CTNNA3: variants seen among roughly 807,000 people sequenced by gnomAD.
The protein encoded by CTNNA3 is catenin alpha-3.
Under a neutral mutation model 95.7 loss-of-function variants are expected in CTNNA3, and 76 were observed. That is an observed-to-expected ratio of 0.79 (90% CI 0.66 to 0.96). The LOEUF is 0.96. Among genes scored for constraint, CTNNA3 ranks in the 40% least tolerant of loss-of-function variants. The probability of loss-of-function intolerance (pLI) is 0.00; values close to 1 mark genes in which losing one functional copy is unlikely to be tolerated. For missense variants in CTNNA3, 1,191 were observed against 1,089.8 expected (o/e 1.09, Z -1.31); for synonymous variants, 431 against 374.4 (o/e 1.15, Z -1.74).
intron 7 of CTNNA3, among the ~76,000 whole-genome samples, chr10:67,073,300 C>T (rs572656958): frequency 3.9e-4 from 59 of 152,306 alleles, no homozygotes; most frequent in African/African-American, 1.4e-3. Flanking sequence ...AAAATTGACT[C>T]TCCCATATTT....
At chr10:66,775,113 C>T (rs994447928) in intron 8 of CTNNA3, among the ~76,000 whole-genome samples, 6 of 152,162 alleles carry the variant, frequency 3.9e-5, no homozygotes, top group Admixed American at 6.5e-5. Flanking sequence ...TGATTCCTCA[C>T]AGCCCTATTG....
upstream of CTNNA3, among the ~76,000 whole-genome samples, chr10:67,700,346 C>T (rs181307887): frequency 2.0e-5 from 3 of 152,274 alleles, no homozygotes; most frequent in East Asian, 5.8e-4. Context: ...GACCCCTTGA[C>T]CCCCGAGCAG....
At chr10:66,429,721 C>A (rs533158122) in intron 11 of CTNNA3, among the ~76,000 whole-genome samples, 3 of 152,154 alleles carry the variant, frequency 2.0e-5, no homozygotes, top group Non-Finnish European at 4.4e-5. Context: ...GCTAAAAACT[C>A]TCAATAAATT....
At position 66,102,624 on chromosome 10, in the gene CTNNA3, A is replaced by C. The variant is rs1271495287; in HGVS notation, c.1977+533T>G. Among the ~76,000 whole-genome samples, 6 of 152,104 alleles carry C rather than the reference A, an allele frequency of 3.9e-5. No individual in the cohort carries two copies. The South Asian group carries it at 6.2e-4, about 16-fold the overall frequency. On this transcript the variant is annotated intron_variant, in intron 14 of 17. Coordinates refer to ENST00000433211, the MANE Select transcript of CTNNA3 (RefSeq NM_013266.4). ...CACAGATACCCAGGCACTGGGTGGGAGTAAAGTGAAGTACAATATCTCAGA... is the reference window on the plus strand; with the variant it reads ...CACAGATACCCAGGCACTGGGTGGGCGTAAAGTGAAGTACAATATCTCAGA...
chr10:67,520,458 T>A (rs928411487), intron 5 of CTNNA3, among the ~76,000 whole-genome samples: 1 of 152,148 alleles, frequency 6.6e-6, no homozygotes. Context: ...TGGTAAAATA[T>A]GGTTTTGGAA....
chr10:67,753,450 CAAAAATTGACA>C (rs1431740773), intron 1 of CTNNA3, among the ~76,000 whole-genome samples: 1 of 151,966 alleles, frequency 6.6e-6, no homozygotes, highest in African/African-American at 2.4e-5. Flanking sequence ...GCAACAAAAG[CAAAAATTGACA>C]AATAGGACCT....
Position 67,385,036 on chromosome 10 carries a change from A to G in CTNNA3, c.579+136806T>C, listed in dbSNP as rs1844097270. Among the ~76,000 whole-genome samples, 3 of 152,210 alleles carry G rather than the reference A, an allele frequency of 2.0e-5. No individual in the cohort carries two copies. The South Asian group carries it at 6.2e-4, about 31-fold the overall frequency. On this transcript the variant is annotated intron_variant, in intron 5 of 17. Coordinates refer to ENST00000433211, the MANE Select transcript of CTNNA3 (RefSeq NM_013266.4). Reference sequence around the variant, plus strand: ...TTGAATTTCTTTTCGGTTATTTTACATGCTACTTTGTTGCTTCTTTCAATG... The same window carrying G: ...TTGAATTTCTTTTCGGTTATTTTACGTGCTACTTTGTTGCTTCTTTCAATG...
chr10:66,726,481 G>C (rs963248239), intron 9 of CTNNA3, among the ~76,000 whole-genome samples: 2 of 152,064 alleles, frequency 1.3e-5, no homozygotes, highest in African/African-American at 4.8e-5. Flanking sequence ...TCATGTTACA[G>C]TTGGCTAGTC....
In CTNNA3 at chr10:67,133,366, C is replaced by CATAT. The variant is rs1554928733; in HGVS notation, c.1047+46947_1047+46950dup. On this transcript the variant is annotated intron_variant, in intron 7 of 17. Coordinates refer to ENST00000433211, the MANE Select transcript of CTNNA3 (RefSeq NM_013266.4). Reference sequence around the variant, plus strand: ...ACAATGGTAGATACATACATACATACATATATATATATACACACACACACA... The same window carrying CATAT: ...ACAATGGTAGATACATACATACATACATATATATATATATATACACACACACACA... Among the ~76,000 whole-genome samples, 144 of 124,568 alleles carry CATAT rather than the reference C, an allele frequency of 1.2e-3. 3 individuals carry two copies. Among genetic ancestry groups the CATAT allele is most frequent in the African/African-American group, 3.7e-3 (121 of 32,348 alleles). 81.7% of individuals were successfully genotyped at this position (124,568 alleles called of 152,430 possible). A position where few individuals can be genotyped will look rare whatever the true frequency, so the allele number is the denominator to read the frequency against.
intron 7 of CTNNA3, among the ~76,000 whole-genome samples, chr10:67,035,587 A>G (rs1216495067): frequency 6.6e-6 from 1 of 152,140 alleles, no homozygotes; most frequent in Non-Finnish European, 1.5e-5. Context: ...CAAAAACCCT[A>G]TCAGAAGCTT....
intron 11 of CTNNA3, among the ~76,000 whole-genome samples, chr10:66,484,992 G>A (rs1320988070): frequency 6.6e-6 from 1 of 151,924 alleles, no homozygotes; most frequent in Non-Finnish European, 1.5e-5. Context: ...AAACTATATG[G>A]TTATATCAAT....
intron 5 of CTNNA3, among the ~76,000 whole-genome samples, chr10:67,364,103 A>G (rs997802813): frequency 1.5e-4 from 23 of 152,204 alleles, no homozygotes; most frequent in Admixed American, 3.3e-4. Context: ...CCAATCCAGC[A>G]GCACATCAAA....
intron 15 of CTNNA3, among the ~76,000 whole-genome samples, chr10:66,062,335 T>C (rs923543652): frequency 6.6e-6 from 1 of 152,112 alleles, no homozygotes; most frequent in Admixed American, 6.6e-5. Flanking sequence ...ATTTAAAATC[T>C]ATATGGAGGA....
At chr10:66,551,288 T>C (rs1459819927) in intron 10 of CTNNA3, among the ~76,000 whole-genome samples, 1 of 152,180 alleles carries the variant, frequency 6.6e-6, no homozygotes, top group African/African-American at 2.4e-5. Context: ...CCCTGTCTTC[T>C]GACCTTCATT....
At chr10:66,485,962 G>A (rs1839712051) in intron 11 of CTNNA3, among the ~76,000 whole-genome samples, 1 of 152,096 alleles carries the variant, frequency 6.6e-6, no homozygotes, top group Non-Finnish European at 1.5e-5. Flanking sequence ...AAGGTGTCAA[G>A]AACACACAAT....
At chr10:66,323,604 A>G (rs1564867150) in intron 12 of CTNNA3, among the ~76,000 whole-genome samples, 2 of 151,022 alleles carry the variant, frequency 1.3e-5, no homozygotes, top group Non-Finnish European at 3.0e-5. Flanking sequence ...GTGAGCCAAG[A>G]TCGTGCCACT....
chr10:67,391,383 C>G (rs1234358170), intron 5 of CTNNA3, among the ~76,000 whole-genome samples: 1 of 151,606 alleles, frequency 6.6e-6, no homozygotes, highest in Non-Finnish European at 1.5e-5. Flanking sequence ...GAACTACAAA[C>G]CACTGCTCAA....
chr10:67,084,097 T>C (rs920748164), intron 7 of CTNNA3, among the ~76,000 whole-genome samples: 2 of 152,026 alleles, frequency 1.3e-5, no homozygotes, highest in Non-Finnish European at 2.9e-5. Context: ...GCACAAAATA[T>C]GATATATTAA....
intron 13 of CTNNA3, among the ~76,000 whole-genome samples, chr10:66,191,871 A>G (rs2086686453): frequency 6.6e-6 from 1 of 152,146 alleles, no homozygotes; most frequent in Non-Finnish European, 1.5e-5. Flanking sequence ...TTAAGAGGTG[A>G]TTAGGTCTTG....
Sources: allele counts gnomAD v4.1 joint callset (sites outside exome capture counted in the v4.1 genomes callset), GRCh38; gene constraint gnomAD v4.1.1; transcripts MANE v1.5; gene names NCBI Gene and HGNC (gene_info 2026-07-23, HGNC 2026-07-21).